Variants in ADAD1 observed in about 807,000 individuals in gnomAD.
ADAD1 encodes the protein adenosine deaminase domain containing 1, also known as adenosine deaminase domain-containing protein 1.
In ADAD1, 46 loss-of-function variants were observed where a neutral mutation model predicts 66.8. The ratio of observed to expected loss-of-function variants is 0.69; its 90% CI spans 0.54 to 0.88. ADAD1 has a LOEUF of 0.88. Ranked by LOEUF, ADAD1 falls within the 40% of genes least tolerant of loss-of-function variation. The probability of loss-of-function intolerance (pLI) is 0.00; values close to 1 mark genes in which losing one functional copy is unlikely to be tolerated. For missense variants in ADAD1, 617 were observed against 681.8 expected (o/e 0.91, Z 1.06); for synonymous variants, 248 against 229.4 (o/e 1.08, Z -0.73).
intron 8 of ADAD1, among the ~76,000 whole-genome samples, chr4:122,408,441 A>G (rs1190717533): frequency 6.6e-6 from 1 of 152,168 alleles, no homozygotes; most frequent in African/African-American, 2.4e-5. Context: ...ACACCCGGCT[A>G]CTTTTTTGTA....
Position 122,391,856 on chromosome 4 carries a change from C to T in ADAD1, c.530-1733C>T, listed in dbSNP as rs115881986. ...TCCTGAGTAGCTGGAATTACAGGTG[C>T]GCGCCACCATGCCCAGCTGACCTTT... On this transcript the variant is annotated intron_variant, in intron 5 of 12. Coordinates refer to ENST00000296513, the MANE Select transcript of ADAD1 (RefSeq NM_139243.4). Among the ~76,000 whole-genome samples, 804 of 152,124 alleles carry T rather than the reference C, an allele frequency of 5.3e-3. 3 individuals are homozygous for T. The highest frequency in any genetic ancestry group is 0.018 in the African/African-American group (761 of 41,504).
rs765596442 is a variant in ADAD1, at chr4:122,383,965, A to G, written c.528A>G (p.Ser176=). 1.2e-6 allele frequency: 2 copies of G among 1,602,506 alleles called. No individual in the cohort carries two copies. Among genetic ancestry groups the G allele is most frequent in the Non-Finnish European group, 1.7e-6 (2 of 1,175,602 alleles). The change falls in exon 5 of 13, where the codon TCA becomes TCG. Residue 176 remains serine, a splice_region_variant and synonymous_variant. Transcript: ENST00000296513. ...DEPEPRILET[S]GPPPFPAEPV... Reference sequence around the variant, plus strand: ...CTGAACCACGAATTTTAGAAACATCAGGTAAATACTCTTGATTATAAAGTA... The same window carrying G: ...CTGAACCACGAATTTTAGAAACATCGGGTAAATACTCTTGATTATAAAGTA...
chr4:122,414,512 T>C (rs140301736), intron 10 of ADAD1, among the ~76,000 whole-genome samples: 2 of 152,174 alleles, frequency 1.3e-5, no homozygotes, highest in African/African-American at 4.8e-5. Context: ...AGGAAGTGTT[T>C]AGAAAAAGGA....
chr4:122,383,743 G>A lies in ADAD1; in HGVS notation c.362-56G>A, dbSNP rs1795019499. On this transcript the variant is annotated intron_variant, in intron 4 of 12. Coordinates refer to ENST00000296513, the MANE Select transcript of ADAD1 (RefSeq NM_139243.4). ...GAATGTTTTCCTATGTACATACATT[G>A]TTTGCAAGAATATAATAAAAATTAT... 28 of 1,524,866 alleles carry A rather than the reference G, an allele frequency of 1.8e-5. No individual in the cohort carries two copies. In the South Asian group the frequency reaches 3.6e-4, roughly 19 times the overall value. The allele number at this position is 1,524,866 out of a possible 1,614,324, so 94.5% of individuals were successfully genotyped here.
In ADAD1 at chr4:122,411,197, G is replaced by T; in HGVS notation, c.849-25G>T. The T allele has an allele frequency of 2.0e-6, 3 of 1,536,978 alleles. No individual in the cohort carries two copies. In the South Asian group the frequency reaches 3.6e-5, roughly 19 times the overall value. ...ATATCTTTTATAAAGTTTATTACTTGACAAAATTATAACATTTATTTTAGG... is the reference window on the plus strand; with the variant it reads ...ATATCTTTTATAAAGTTTATTACTTTACAAAATTATAACATTTATTTTAGG... On this transcript the variant is annotated intron_variant, in intron 8 of 12. Coordinates refer to ENST00000296513, the MANE Select transcript of ADAD1 (RefSeq NM_139243.4).
intron 8 of ADAD1, among the ~76,000 whole-genome samples, chr4:122,408,400 C>T (rs1796315559): frequency 6.6e-6 from 1 of 152,196 alleles, no homozygotes; most frequent in Admixed American, 6.5e-5. Context: ...CTCAACCTCC[C>T]AAATAGCTGG....
chr4:122,384,412 G>A (rs1795061677), intron 5 of ADAD1, among the ~76,000 whole-genome samples: 1 of 152,110 alleles, frequency 6.6e-6, no homozygotes, highest in South Asian at 2.1e-4. Context: ...TCCAGAATTC[G>A]ATTGCTCAGG....
chr4:122,391,020 T>C (rs1440308915), intron 5 of ADAD1, among the ~76,000 whole-genome samples: 1 of 152,246 alleles, frequency 6.6e-6, no homozygotes, highest in Non-Finnish European at 1.5e-5. Context: ...TTGAGCCTGC[T>C]GACCCTTGGA....
Position 122,419,556 on chromosome 4 carries a change from C to T in ADAD1, c.1488-1705C>T, listed in dbSNP as rs571394427. 3.3e-5 allele frequency among the ~76,000 whole-genome samples: 5 copies of T among 152,248 alleles called. No homozygotes were observed. In the South Asian group the frequency reaches 1.0e-3, roughly 32 times the overall value. On this transcript the variant is annotated intron_variant, in intron 11 of 12. Coordinates refer to ENST00000296513, the MANE Select transcript of ADAD1 (RefSeq NM_139243.4). ...GTTTACAAAAGAAATTGCTGCTCCT[C>T]CTCTCCACCACACAAAATTACAGAC...
At chr4:122,427,699 T>A (rs1287001135) in intron 12 of ADAD1, among the ~76,000 whole-genome samples, 3 of 151,802 alleles carry the variant, frequency 2.0e-5, no homozygotes, top group Non-Finnish European at 4.4e-5. Context: ...CACGCCCGGC[T>A]AATTTTTTGT....
chr4:122,409,732 C>A (rs1441061413), intron 8 of ADAD1, among the ~76,000 whole-genome samples: 1 of 151,916 alleles, frequency 6.6e-6, no homozygotes, highest in Non-Finnish European at 1.5e-5. Flanking sequence ...CGGAGTCTTA[C>A]GCTGTTGCCC....
In ADAD1 at chr4:122,400,665, G is replaced by A. The variant is rs114142460; in HGVS notation, c.724+4288G>A. 7.5e-3 allele frequency among the ~76,000 whole-genome samples: 1,140 copies of A among 151,870 alleles called. 11 individuals carry two copies. The highest frequency in any genetic ancestry group is 0.029 in the South Asian group (138 of 4,816). The stretch of plus-strand genomic sequence containing the variant: ...TTTTTGTTGGGATTTTTTAGATTAT[G>A]GTTTCACTCTGACTGCTTGTTATTG... On this transcript the variant is annotated intron_variant, in intron 7 of 12. Coordinates refer to ENST00000296513, the MANE Select transcript of ADAD1 (RefSeq NM_139243.4).
chr4:122,393,110 C>A (rs1795535169), intron 5 of ADAD1, among the ~76,000 whole-genome samples: 1 of 149,100 alleles, frequency 6.7e-6, no homozygotes, highest in African/African-American at 2.5e-5. Flanking sequence ...ACTTTGGAGA[C>A]CAAATTGAAA....
intron 10 of ADAD1, among the ~76,000 whole-genome samples, chr4:122,413,581 A>T (rs1186698933): frequency 1.3e-5 from 2 of 152,018 alleles, no homozygotes; most frequent in African/African-American, 4.8e-5. Flanking sequence ...AGTTATTTCC[A>T]TCCAGAGGTC....
In ADAD1 at chr4:122,411,312, A is replaced by G. The variant is rs1447058813; in HGVS notation, c.939A>G (p.Leu313=). The change falls in exon 9 of 13, where the codon CTA becomes CTG. Residue 313 remains leucine, a synonymous_variant. Coordinates refer to ENST00000296513, the MANE Select transcript of ADAD1 (RefSeq NM_139243.4). The part of the protein sequence containing the change: ...SIFCTEPTSN[L]LTLKQNINIC... ...TTTGTACAGAACCAACTTCTAATCT[A>G]CTCACTCTTAAACAGAATATCAACA... The G allele has an allele frequency of 6.2e-7, 1 of 1,613,148 alleles. No individual in the cohort carries two copies. Among genetic ancestry groups the G allele is most frequent in the South Asian group, 1.1e-5 (1 of 90,844 alleles).
At chr4:122,395,352 A>G (rs1352514397) in intron 6 of ADAD1, among the ~76,000 whole-genome samples, 3 of 152,002 alleles carry the variant, frequency 2.0e-5, no homozygotes, top group Non-Finnish European at 2.9e-5. Flanking sequence ...CGCCCAGCCT[A>G]CTTTGCTATA....
intron 11 of ADAD1, among the ~76,000 whole-genome samples, chr4:122,418,866 A>G (rs776193028): frequency 6.6e-5 from 10 of 152,188 alleles, no homozygotes; most frequent in Non-Finnish European, 1.2e-4. Context: ...GCTATTATCA[A>G]AAAGTCAAAA....
intron 4 of ADAD1, 144 bp downstream of exon 4, chr4:122,381,324 A>G (rs1794890549): frequency 2.4e-6 from 2 of 849,148 alleles, no homozygotes; most frequent in Admixed American, 3.8e-5. Flanking sequence ...TTATGTTCAC[A>G]CTTCTTTAGC....
intron 11 of ADAD1, among the ~76,000 whole-genome samples, chr4:122,419,774 G>A (rs1243650683): frequency 6.6e-6 from 1 of 152,018 alleles, no homozygotes; most frequent in Non-Finnish European, 1.5e-5. Context: ...TTAATCTAGG[G>A]AAAATATCAT....
Sources: allele counts gnomAD v4.1 joint callset (sites outside exome capture counted in the v4.1 genomes callset), GRCh38; gene constraint gnomAD v4.1.1; transcripts MANE v1.5; gene names NCBI Gene and HGNC (gene_info 2026-07-23, HGNC 2026-07-21).